ZFYVE28: variants seen among roughly 807,000 people sequenced by gnomAD.
ZFYVE28 encodes lateral signaling target protein 2 homolog.
Under a neutral mutation model 82.1 loss-of-function variants are expected in ZFYVE28, and 40 were observed. That is an observed-to-expected ratio of 0.49 (90% confidence interval 0.38 to 0.63). The LOEUF is 0.63. ZFYVE28 is among the 30% of genes least tolerant of loss of function. ZFYVE28 has a pLI of 0.00. For synonymous variants in ZFYVE28, 612 were observed against 546.1 expected, an observed-to-expected ratio of 1.12 and a Z score of -1.68; for missense variants, 1,321 against 1,242.1, an observed-to-expected ratio of 1.06 and a Z score of -0.96.
rs956184706 is a variant in ZFYVE28 at position 2,320,884 on chromosome 4, G to A, written c.702-613C>T. Among the ~76,000 whole-genome samples the A allele has an allele frequency of 5.3e-5, 8 of 152,058 alleles. No individual in the cohort carries two copies. Among genetic ancestry groups the A allele is most frequent in the Admixed American group, 4.6e-4 (7 of 15,262 alleles). ...ACTGGGGCCGCATGTGGCTGAGGCC[G>A]GCTTTCCTCACTGTCCCTCCCCCAG... On this transcript the variant is annotated intron_variant, in intron 6 of 12. Transcript: ENST00000290974. The surrounding 1 kb of genome is among the most constrained non-coding windows in gnomAD (Gnocchi z 5.1).
intron 7 of ZFYVE28, among the ~76,000 whole-genome samples, chr4:2,317,530 G>A (rs780271351): frequency 1.3e-5 from 2 of 152,168 alleles, no homozygotes; most frequent in African/African-American, 4.8e-5. Context: ...AAGTCTGCAG[G>A]AGACCGAGTT....
chr4:2,354,169 C>G (rs775269065), intron 1 of ZFYVE28, 96 bp from the exon 2 acceptor site: 10 of 1,310,538 alleles, frequency 7.6e-6, no homozygotes, highest in Non-Finnish European at 1.0e-5. Flanking sequence ...TGGGCTCAGC[C>G]TGGGACCTTC....
In ZFYVE28 at chr4:2,335,583, A is replaced by T; in HGVS notation, c.701+122T>A. The T allele has an allele frequency of 1.1e-6, 1 of 890,326 alleles. No homozygotes were observed. The highest frequency in any genetic ancestry group is 1.7e-6 in the Non-Finnish European group (1 of 573,252). The allele number at this position is 890,326 out of a possible 1,614,324, so 55.2% of individuals were successfully genotyped here. A position where few individuals can be genotyped will look rare whatever the true frequency, so the allele number is the denominator to read the frequency against. ...GCAGGCCTGCCTGTCACTGATCGGG[A>T]CAGCTGAGCGGCCACCGTGAGGTGG... is the stretch of plus-strand genomic sequence containing the variant. On this transcript the variant is annotated intron_variant, in intron 6 of 12. Transcript: ENST00000290974. The surrounding 1 kb of genome is among the most constrained non-coding windows in gnomAD (Gnocchi z 5.8).
At chr4:2,309,599 C>CCT (rs1156727008) in intron 7 of ZFYVE28, among the ~76,000 whole-genome samples, 2 of 59,690 alleles carry the variant, frequency 3.4e-5, no homozygotes, top group African/African-American at 1.5e-4. Flanking sequence ...TTTAGTCCTT[C>CCT]ATTTCCAATG....
intron 7 of ZFYVE28, among the ~76,000 whole-genome samples, chr4:2,310,712 G>A (rs1324688320): frequency 6.6e-6 from 1 of 152,210 alleles, no homozygotes; most frequent in Non-Finnish European, 1.5e-5. Flanking sequence ...GCTGAGGTGG[G>A]AGGATCGCTT....
intron 6 of ZFYVE28, among the ~76,000 whole-genome samples, chr4:2,327,285 TATATA>T (rs1720011328): frequency 2.9e-5 from 1 of 34,698 alleles, no homozygotes; most frequent in African/African-American, 7.9e-5. Flanking sequence ...TATATATATA[TATATA>T]TATATATATA....
chr4:2,282,850 G>A (rs1187303802), intron 8 of ZFYVE28, among the ~76,000 whole-genome samples: 1 of 152,134 alleles, frequency 6.6e-6, no homozygotes, highest in African/African-American at 2.4e-5. Context: ...GGCTGAGGCA[G>A]GAGGATCCCC....
intron 1 of ZFYVE28, among the ~76,000 whole-genome samples, chr4:2,365,275 G>A (rs1002850855): frequency 2.0e-5 from 3 of 152,104 alleles, no homozygotes; most frequent in Non-Finnish European, 4.4e-5. Flanking sequence ...CGGGACAGCA[G>A]GGGACAAGGG....
chr4:2,398,572 G>GCGAGATCCAGGGCACAAGGTGGAGAC (rs1158976257), intron 1 of ZFYVE28, among the ~76,000 whole-genome samples: 49 of 152,166 alleles, frequency 3.2e-4, no homozygotes, highest in Non-Finnish European at 6.2e-4. Context: ...ACAAGGTGTG[G>GCGAGATCCAGGGCACAAGGTGGAGAC]CGAGATCCAG....
At chr4:2,391,240 C>A (rs1024447468) in intron 1 of ZFYVE28, among the ~76,000 whole-genome samples, 1 of 152,174 alleles carries the variant, frequency 6.6e-6, no homozygotes, top group Non-Finnish European at 1.5e-5. Context: ...ATCGTCCCCA[C>A]GGCCGCTCAG....
intron 8 of ZFYVE28, among the ~76,000 whole-genome samples, chr4:2,279,720 G>T (rs1327430853): frequency 2.0e-5 from 3 of 151,660 alleles, no homozygotes; most frequent in Non-Finnish European, 4.4e-5. Context: ...GGCGGAGCTT[G>T]CAGTGAGCCG....
chr4:2,364,360 C>T, intron 1 of ZFYVE28: 1 of 834,910 alleles, frequency 1.2e-6, no homozygotes, highest in Non-Finnish European at 1.4e-6. Context: ...GTTGTGGGGC[C>T]AGCCAGGCCA....
Position 2,416,411 on chromosome 4 carries a change from C to T in ZFYVE28, c.39+1874G>A, listed in dbSNP as rs1043663183. Among the ~76,000 whole-genome samples, 1 of 152,222 alleles carries T rather than the reference C, an allele frequency of 6.6e-6. No homozygotes were observed. Among genetic ancestry groups the T allele is most frequent in the Non-Finnish European group, 1.5e-5 (1 of 68,044 alleles). On this transcript the variant is annotated intron_variant, in intron 1 of 12. Transcript: ENST00000290974. The surrounding 1 kb of genome is among the most constrained non-coding windows in gnomAD (Gnocchi z 4.6). ...TCCCAGCAAGTGCCTTCAGCGACAC[C>T]AGAATGTTAGTTAAGACCTAAGACA...
chr4:2,305,323 G>C lies in ZFYVE28; in HGVS notation c.1017C>G (p.Asp339Glu), dbSNP rs199892925. ...AELACSMQYD[D>E]QELEQLSRMV... ...TGCGGCTGAGCTGCTCCAGCTCCTG[G>C]TCGTCGTACTGCATGGAGCAGGCCA... Residue 339 changes from aspartate (D) to glutamate (E), a missense_variant, in exon 8 of 13, where the codon GAC becomes GAG. Physicochemically the swap from Asp to Glu is conservative, Grantham distance 45. Transcript: ENST00000290974. 14 of 1,613,170 alleles carry C rather than the reference G, an allele frequency of 8.7e-6. No individual in the cohort carries two copies. In the Admixed American group the frequency reaches 2.2e-4, roughly 25 times the overall value.
chr4:2,290,896 C>T (rs1027987316), intron 8 of ZFYVE28, among the ~76,000 whole-genome samples: 1 of 152,230 alleles, frequency 6.6e-6, no homozygotes, highest in South Asian at 2.1e-4. Flanking sequence ...CAGGCCTAGA[C>T]ACAGCCCAGC....
intron 2 of ZFYVE28, among the ~76,000 whole-genome samples, chr4:2,350,738 A>G (rs547192995): frequency 9.2e-5 from 14 of 152,322 alleles, no homozygotes; most frequent in African/African-American, 3.1e-4. Context: ...CCAACAGCCA[A>G]TGATATATAA....
chr4:2,368,211 C>CAAAAAAAAAAAAAAAAAAAAAA (rs34092714), intron 1 of ZFYVE28, among the ~76,000 whole-genome samples: 5 of 86,184 alleles, frequency 5.8e-5, no homozygotes, highest in Admixed American at 1.6e-4. Flanking sequence ...CACATCTCTA[C>CAAAAAAAAAAAAAAAAAAAAAA]AAAAAAAAAA....
At chr4:2,363,335 G>C (rs1030883575) in intron 1 of ZFYVE28, among the ~76,000 whole-genome samples, 1 of 152,158 alleles carries the variant, frequency 6.6e-6, no homozygotes, top group Non-Finnish European at 1.5e-5. Flanking sequence ...TCCAGAGATA[G>C]GGAGGGACTG....
chr4:2,314,320 C>G (rs1717908117), intron 7 of ZFYVE28, among the ~76,000 whole-genome samples: 1 of 152,216 alleles, frequency 6.6e-6, no homozygotes, highest in Admixed American at 6.5e-5. Context: ...CCAAGTACAG[C>G]TGTTGTTGCT....
Sources: gnomAD v4.1 joint callset for allele counts (sites outside exome capture counted in the v4.1 genomes callset) on GRCh38, gnomAD v4.1.1 for gene constraint, Gnocchi (gnomAD v3.1) non-coding constraint, MANE v1.5 for transcripts, NCBI Gene and HGNC (gene_info 2026-07-23, HGNC 2026-07-21) for gene names.